The following LMBR1L variants were observed in gnomAD, a reference collection of about 807,000 sequenced individuals.
The protein encoded by LMBR1L is protein LMBR1L.
Under a neutral mutation model 67.3 loss-of-function variants are expected in LMBR1L, and 47 were observed. The ratio of observed to expected loss-of-function variants is 0.70; its 90% CI spans 0.55 to 0.89. The LOEUF (loss-of-function observed/expected upper bound fraction) is 0.89. Among genes scored for constraint, LMBR1L ranks in the 40% least tolerant of loss-of-function variants. The probability of loss-of-function intolerance (pLI) is 0.00; values close to 1 mark genes in which losing one functional copy is unlikely to be tolerated. For missense variants in LMBR1L, 533 were observed against 599.2 expected (o/e 0.89, Z 1.15); for synonymous variants, 247 against 250.3 (o/e 0.99, Z 0.13).
chr12:49,108,475 T>C (rs1592229356), intron 1 of LMBR1L, among the ~76,000 whole-genome samples: 1 of 149,490 alleles, frequency 6.7e-6, no homozygotes, highest in African/African-American at 2.5e-5. Flanking sequence ...GGCAGGAGAA[T>C]TGCTTGAACC....
chr12:49,106,993 G>T lies in LMBR1L; in HGVS notation c.125C>A (p.Thr42Asn). ...GAACTCAGCAGGCTTCTTGAAGCGG[G>T]TCAGGAAGATGTGGCAGAGGATGTA... ...TLYILCHIFL[T>N]RFKKPAEFTT... The change falls in exon 2 of 17, where the codon ACC becomes AAC. Residue 42 changes from threonine (T) to asparagine (N), a missense_variant. Transcript: ENST00000267102. 1.9e-6 allele frequency: 3 copies of T among 1,613,578 alleles called. No individual in the cohort carries two copies. Among genetic ancestry groups the T allele is most frequent in the Non-Finnish European group, 2.5e-6 (3 of 1,179,454 alleles).
At position 49,097,423 on chromosome 12, in the gene LMBR1L, G is replaced by T; in HGVS notation, c.*249C>A. 3 of 530,314 alleles carry T rather than the reference G, an allele frequency of 5.7e-6. No individual in the cohort carries two copies. The highest frequency in any genetic ancestry group is 3.1e-5 in the Admixed American group (1 of 32,124). The allele number at this position is 530,314 out of a possible 1,614,324, so 32.9% of individuals were successfully genotyped here. ...GGCAGATTGATGTGTAAACAGATTT[G>T]GGATCAGGGGCTAGACCCAGTCACC... On this transcript the variant is annotated 3_prime_UTR_variant, in exon 17 of 17. Coordinates refer to ENST00000267102, the MANE Select transcript of LMBR1L (RefSeq NM_018113.4).
Position 49,101,537 on chromosome 12 carries a change from GCA to G in LMBR1L, c.941_942del (p.Val314AlafsTer14), listed in dbSNP as rs1486073336. 2.5e-6 allele frequency: 4 copies of G among 1,613,274 alleles called. No homozygotes were observed. Among genetic ancestry groups the G allele is most frequent in the East Asian group, 4.5e-5 (2 of 44,848 alleles). Reference sequence around the variant, plus strand: ...TCCAGGATGTGGATGGCCACAATGAGCACAGACAGGCCCTGTGTGAGGCAAGG... The same window carrying G: ...TCCAGGATGTGGATGGCCACAATGAGCAGACAGGCCCTGTGTGAGGCAAGG... The part of the protein sequence containing the change: ...LCLLVLTGLS[V>X]LIVAIHILEL... On this transcript the variant is annotated frameshift_variant, in exon 12 of 17. Coordinates refer to ENST00000267102, the MANE Select transcript of LMBR1L (RefSeq NM_018113.4). LOFTEE classifies it high-confidence loss of function.
In LMBR1L at chr12:49,101,336, G is replaced by A. The variant is rs777919724; in HGVS notation, c.1009-13C>T. ...CTAAGGAGGTACCCTGAGGAGTGGG[G>A]CAGTATCACTGTGAGCATTCCCCAC... is the stretch of plus-strand genomic sequence containing the variant. On this transcript the variant is annotated splice_polypyrimidine_tract_variant and intron_variant, in intron 12 of 16. Coordinates refer to ENST00000267102, the MANE Select transcript of LMBR1L (RefSeq NM_018113.4). 18 of 1,613,604 alleles carry A rather than the reference G, an allele frequency of 1.1e-5. No individual in the cohort carries two copies. The highest frequency in any genetic ancestry group is 1.4e-5 in the Non-Finnish European group (16 of 1,179,578).
chr12:49,110,453 C>G (rs1293049216), intron 1 of LMBR1L, 31 bp downstream of exon 1: 5 of 1,609,260 alleles, frequency 3.1e-6, no homozygotes, highest in African/African-American at 1.3e-5. Flanking sequence ...CCCGCAACCC[C>G]CGCTTCTCCT....
rs1940692626 is a variant in LMBR1L, at chr12:49,104,818, T to C, written c.259A>G (p.Ile87Val). ...GAVLLLPFSI[I>V]SNEVLLSLPR... ...AGGGAGAGCAGCACCTCATTGCTGA[T>C]GATGGAGAAGGGCAGGAGCAGGACA... is the stretch of plus-strand genomic sequence containing the variant. The change falls in exon 4 of 17, where the codon ATC becomes GTC. Residue 87 changes from isoleucine to valine, a missense_variant. By Grantham distance (29) the Ile-to-Val change is conservative. Around this residue, in one of 3 missense-constraint regions of LMBR1L, gnomAD observed 246 missense variants for 249.0 expected, o/e 0.99. Transcript: ENST00000267102. 4 of 1,613,774 alleles carry C rather than the reference T, an allele frequency of 2.5e-6. No homozygotes were observed. The highest frequency in any genetic ancestry group is 1.7e-4 in the Middle Eastern group (1 of 6,034).
In LMBR1L at chr12:49,104,881, C is replaced by T. The variant is rs149058466; in HGVS notation, c.196G>A (p.Glu66Lys). ...EDATVNKIAL[E>K]LCTFTLAIAL... ...ATTGCCAGGGTAAAGGTGCACAGCT[C>T]GAGCCTGGGCAGAGAAGGGGACAGT... The change falls in exon 4 of 17, where the codon GAG (glutamate) becomes AAG (lysine). Residue 66 changes from glutamate to lysine, a missense_variant. Physicochemically the swap from Glu to Lys is moderately conservative, Grantham distance 56. This residue lies in a region of LMBR1L where 246 missense variants were observed against 249.0 expected (regional missense o/e 0.99). Coordinates refer to ENST00000267102, the MANE Select transcript of LMBR1L (RefSeq NM_018113.4). 95 of 1,610,222 alleles carry T rather than the reference C, an allele frequency of 5.9e-5. 1 individual carries two copies. The highest frequency in any genetic ancestry group is 7.0e-5 in the Non-Finnish European group (83 of 1,178,620).
chr12:49,098,184 G>A (rs11834944), intron 15 of LMBR1L, 79 bp from the exon 16 acceptor site: 6 of 1,478,968 alleles, frequency 4.1e-6, no homozygotes, highest in Admixed American at 1.9e-5. Context: ...GCTGCCTCCT[G>A]GTGGCCACAT....
Position 49,110,637 on chromosome 12 carries a change from C to G in LMBR1L, c.-82G>C, listed in dbSNP as rs1941445205. On this transcript the variant is annotated 5_prime_UTR_variant, in exon 1 of 17. Transcript: ENST00000267102. ...GGAGGAAGCCGCCGCCGCCAAGCAC[C>G]CAGACCCAGCCTAGGGGCCTTTCCT... The G allele has an allele frequency of 8.1e-7, 1 of 1,228,684 alleles. No individual in the cohort carries two copies. The highest frequency in any genetic ancestry group is 1.5e-5 in the African/African-American group (1 of 67,526). 76.1% of individuals were successfully genotyped at this position (1,228,684 alleles called of 1,614,324 possible). A position where few individuals can be genotyped will look rare whatever the true frequency, so the allele number is the denominator to read the frequency against.
In LMBR1L at chr12:49,105,973, G is replaced by A. The variant is rs1219247089; in HGVS notation, c.158-16C>T. 1.2e-6 allele frequency: 2 copies of A among 1,612,198 alleles called. No homozygotes were observed. The highest frequency in any genetic ancestry group is 4.5e-5 in the East Asian group (2 of 44,782). On this transcript the variant is annotated splice_polypyrimidine_tract_variant and intron_variant, in intron 2 of 16. Coordinates refer to ENST00000267102, the MANE Select transcript of LMBR1L (RefSeq NM_018113.4). ...TCATCATCCACTGTAAGAGACAGAG[G>A]CACGGGGAACAGGCAGGAGGACATC...
chr12:49,097,932 A>ACTCC lies in LMBR1L; in HGVS notation c.1402+8_1402+11dup. The ACTCC allele has an allele frequency of 6.2e-7, 1 of 1,606,132 alleles. No homozygotes were observed. The highest frequency in any genetic ancestry group is 8.5e-7 in the Non-Finnish European group (1 of 1,174,058). The stretch of plus-strand genomic sequence containing the variant: ...CCACCCCCCACTAGCCTGCACCCTC[A>ACTCC]CTCCCTCTCACCAAAGGCCCGGATC... On this transcript the variant is annotated intron_variant, in intron 16 of 16. Transcript: ENST00000267102.
chr12:49,103,794 T>G lies in LMBR1L; in HGVS notation c.455A>C (p.Tyr152Ser), dbSNP rs747857595. The G allele has an allele frequency of 9.3e-6, 15 of 1,613,522 alleles. No individual in the cohort carries two copies. The highest frequency in any genetic ancestry group is 2.2e-5 in the East Asian group (1 of 44,880). The change falls in exon 6 of 17, where the codon TAT becomes TCT. Residue 152 changes from tyrosine (Y) to serine (S), a missense_variant. Coordinates refer to ENST00000267102, the MANE Select transcript of LMBR1L (RefSeq NM_018113.4). ...GAGCATCAACATCACCACTGTCTCA[T>G]AGACCCGGCCCAGGACACCCTACGG... ...GSRKGVLGRV[Y>S]ETVVMLMLLT...
chr12:49,108,035 T>TGG (rs1314136432), intron 1 of LMBR1L, among the ~76,000 whole-genome samples: 1 of 150,726 alleles, frequency 6.6e-6, no homozygotes, highest in African/African-American at 2.4e-5. Flanking sequence ...GAGGCCACAG[T>TGG]GGGAGGATCA....
chr12:49,104,170 A>G (rs949023814), intron 5 of LMBR1L: 2 of 499,334 alleles, frequency 4.0e-6, no homozygotes, highest in African/African-American at 3.9e-5. Context: ...GAGTCCTCCC[A>G]CGTCTGCCAC....
chr12:49,099,217 C>T (rs1196955309), intron 15 of LMBR1L, among the ~76,000 whole-genome samples: 1 of 151,060 alleles, frequency 6.6e-6, no homozygotes, highest in East Asian at 2.0e-4. Context: ...ACCTCCACCT[C>T]CCAAGCTCAA....
Position 49,102,996 on chromosome 12 carries a change from C to A in LMBR1L, c.632-45G>T, listed in dbSNP as rs951963295. On this transcript the variant is annotated intron_variant, in intron 7 of 16. Transcript: ENST00000267102. ...TCACTTGCCAGACCCTGCTCTCCACCCCTTCCCTAACATGCCCCCCATTCC... is the reference window on the plus strand; with the variant it reads ...TCACTTGCCAGACCCTGCTCTCCACACCTTCCCTAACATGCCCCCCATTCC... 4 of 1,608,872 alleles carry A rather than the reference C, an allele frequency of 2.5e-6. No homozygotes were observed. The African/African-American group carries it at 4.0e-5, about 16-fold the overall frequency.
intron 1 of LMBR1L, 111 bp downstream of exon 1, chr12:49,110,373 C>A: frequency 9.4e-7 from 1 of 1,068,228 alleles, no homozygotes; most frequent in South Asian, 1.3e-5. Context: ...CTCCGTCGCC[C>A]GCCGCTGGCC....
Position 49,097,632 on chromosome 12 carries a change from G to A in LMBR1L, c.*40C>T, listed in dbSNP as rs1285357757. 6.3e-7 allele frequency: 1 copy of A among 1,597,256 alleles called. No individual in the cohort carries two copies. Among genetic ancestry groups the A allele is most frequent in the Non-Finnish European group, 8.6e-7 (1 of 1,166,492 alleles). ...TTCCCTCCAGGCCTAGGCAGCAGAT[G>A]GCAGTGTCCAGTTTTTTCCTTCCCA... On this transcript the variant is annotated 3_prime_UTR_variant, in exon 17 of 17. Transcript: ENST00000267102.
intron 2 of LMBR1L, 111 bp downstream of exon 2, chr12:49,106,850 A>G (rs1241387404): frequency 1.0e-6 from 1 of 984,352 alleles, no homozygotes; most frequent in African/African-American, 1.6e-5. Context: ...AAGGCTCCAG[A>G]ACAGCCCCAC....
Sources: gnomAD v4.1 joint callset for allele counts (sites outside exome capture counted in the v4.1 genomes callset) on GRCh38, gnomAD v4.1.1 for gene constraint, gnomAD v4.1.1 regional missense constraint, MANE v1.5 for transcripts, NCBI Gene and HGNC (gene_info 2026-07-23, HGNC 2026-07-21) for gene names.